MACROD2: variants seen among roughly 807,000 people sequenced by gnomAD.
MACROD2 encodes the protein mono-ADP ribosylhydrolase 2.
In MACROD2, 36 loss-of-function variants were observed where a neutral mutation model predicts 70.4. The ratio of observed to expected loss-of-function variants is 0.51; its 90% CI spans 0.39 to 0.68. The LOEUF (loss-of-function observed/expected upper bound fraction) is 0.68, where lower values mean the gene tolerates loss of function less well. MACROD2 is among the 30% of genes least tolerant of loss of function. The pLI is 0.00. For synonymous variants in MACROD2, 172 were observed against 178.8 expected (o/e 0.96, Z 0.30); for missense variants, 496 against 538.4 (o/e 0.92, Z 0.78).
At chr20:14,178,830 G>A (rs775993951) in intron 3 of MACROD2, among the ~76,000 whole-genome samples, 12 of 149,038 alleles carry the variant, frequency 8.1e-5, no homozygotes, top group East Asian at 2.0e-4. Flanking sequence ...GTAGTCTCAC[G>A]GCCTTTTCAG....
At chr20:15,319,985 G>T (rs2077856075) in intron 6 of MACROD2, among the ~76,000 whole-genome samples, 1 of 152,148 alleles carries the variant, frequency 6.6e-6, no homozygotes, top group South Asian at 2.1e-4. Flanking sequence ...GAGGTGGGCG[G>T]ATCACCTCAG....
intron 5 of MACROD2, among the ~76,000 whole-genome samples, chr20:14,880,256 C>A (rs983604891): frequency 5.9e-5 from 9 of 152,148 alleles, no homozygotes; most frequent in Middle Eastern, 3.2e-3. Context: ...TGCTTCACTG[C>A]CAACACAGCC....
chr20:15,763,434 T>G (rs768241259), intron 8 of MACROD2, among the ~76,000 whole-genome samples: 4 of 152,216 alleles, frequency 2.6e-5, no homozygotes, highest in Non-Finnish European at 5.9e-5. Context: ...AAGTGTGGTG[T>G]GCAAGTATAT....
In MACROD2 at chr20:14,788,609, G is replaced by A. The variant is rs1028025382; in HGVS notation, c.418+103650G>A. Among the ~76,000 whole-genome samples, 7 of 149,392 alleles carry A rather than the reference G, an allele frequency of 4.7e-5. No homozygotes were observed. In the East Asian group the frequency reaches 7.8e-4, roughly 17 times the overall value. ...AAAAAAAAAAAAAAAAAGACTTTTA[G>A]GAAAGAGAACATTCTGATTATTTAC... On this transcript the variant is annotated intron_variant, in intron 5 of 17. Coordinates refer to ENST00000684519, the MANE Select transcript of MACROD2 (RefSeq NM_001351661.2).
chr20:14,187,776 C>A (rs543366404), intron 3 of MACROD2, among the ~76,000 whole-genome samples: 29 of 152,226 alleles, frequency 1.9e-4, no homozygotes, highest in African/African-American at 7.0e-4. Context: ...CCTTATTTGC[C>A]TGTGCTCAGC....
At chr20:14,476,506 C>A (rs1463674647) in intron 3 of MACROD2, among the ~76,000 whole-genome samples, 1 of 152,186 alleles carries the variant, frequency 6.6e-6, no homozygotes, top group Non-Finnish European at 1.5e-5. Flanking sequence ...CAAGTATGCA[C>A]CACCACGCCC....
At chr20:14,543,505 C>T (rs1287999523) in intron 4 of MACROD2, among the ~76,000 whole-genome samples, 1 of 152,100 alleles carries the variant, frequency 6.6e-6, no homozygotes, top group East Asian at 1.9e-4. Context: ...TTTAATCATA[C>T]ATAGTTTTTA....
At chr20:15,506,723 A>G (rs1475590714) in intron 8 of MACROD2, among the ~76,000 whole-genome samples, 2 of 152,210 alleles carry the variant, frequency 1.3e-5, no homozygotes, top group Non-Finnish European at 2.9e-5. Context: ...ATATTTCGAA[A>G]CAAGCTCCAA....
chr20:14,329,008 G>A (rs2082786028), intron 3 of MACROD2: 1 of 152,008 alleles, frequency 6.6e-6, no homozygotes, highest in African/African-American at 2.4e-5. Context: ...CATGAAGAAA[G>A]TCATTCATGA....
intron 8 of MACROD2, among the ~76,000 whole-genome samples, chr20:15,655,369 T>C (rs2049714526): frequency 6.6e-6 from 1 of 150,692 alleles, no homozygotes; most frequent in Admixed American, 6.6e-5. Context: ...GATTTACCGA[T>C]AGAATATGTG....
Position 15,249,148 on chromosome 20 carries a change from C to T in MACROD2, c.540+19087C>T, listed in dbSNP as rs906647123. On this transcript the variant is annotated intron_variant, in intron 6 of 17. Coordinates refer to ENST00000684519, the MANE Select transcript of MACROD2 (RefSeq NM_001351661.2). ...GTATTTGTCTACCAACCCCTGTCGC[C>T]TCCTTGTTCGAGATCTCCCTCTTGC... 3.9e-5 allele frequency among the ~76,000 whole-genome samples: 6 copies of T among 152,314 alleles called. No homozygotes were observed. In the East Asian group the frequency reaches 9.7e-4, roughly 25 times the overall value.
chr20:16,015,412 G>A (rs1481686278), intron 15 of MACROD2, among the ~76,000 whole-genome samples: 1 of 152,074 alleles, frequency 6.6e-6, no homozygotes, highest in East Asian at 1.9e-4. Flanking sequence ...ATCTCACCTA[G>A]TCCTGATTCA....
chr20:15,892,824 G>T (rs911700955), intron 10 of MACROD2: 1 of 395,000 alleles, frequency 2.5e-6, no homozygotes, highest in Non-Finnish European at 4.5e-6. Context: ...AAGATTCAGC[G>T]TGTGTGTAGG....
In MACROD2 at chr20:16,012,101, C is replaced by T. The variant is rs912187; in HGVS notation, c.1153+24943C>T. On this transcript the variant is annotated intron_variant, in intron 15 of 17. Transcript: ENST00000684519. ...GGAGCCAGGCCTAATGATGCTGAGA[C>T]GCCAGCTTCTCTGAGCCTATTGGCA... Among the ~76,000 whole-genome samples the T allele has an allele frequency of 2.7e-3, 408 of 152,298 alleles. 7 individuals are homozygous for T. The highest frequency in any genetic ancestry group is 0.024 in the Admixed American group (364 of 15,304).
intron 6 of MACROD2, among the ~76,000 whole-genome samples, chr20:15,389,784 C>A (rs1307784743): frequency 6.6e-6 from 1 of 152,166 alleles, no homozygotes; most frequent in Admixed American, 6.6e-5. Flanking sequence ...CAAGATGAAG[C>A]AATACCGTTA....
intron 6 of MACROD2, among the ~76,000 whole-genome samples, chr20:15,383,446 A>G (rs111243450): frequency 6.6e-6 from 1 of 152,306 alleles, no homozygotes; most frequent in African/African-American, 2.4e-5. Context: ...TAAGAAGTAG[A>G]ATTTCAAACA....
At chr20:15,674,238 C>T (rs776793115) in intron 8 of MACROD2, among the ~76,000 whole-genome samples, 61 of 151,776 alleles carry the variant, frequency 4.0e-4, no homozygotes, top group Non-Finnish European at 7.8e-4. Flanking sequence ...TAAGGGAGAA[C>T]GGAAGGGGAA....
At chr20:15,650,081 C>T (rs1010103408) in intron 8 of MACROD2, among the ~76,000 whole-genome samples, 5 of 152,106 alleles carry the variant, frequency 3.3e-5, no homozygotes, top group African/African-American at 7.2e-5. Flanking sequence ...TCTCTGCTTA[C>T]TTGATGTGAC....
intron 8 of MACROD2, among the ~76,000 whole-genome samples, chr20:15,838,777 G>A (rs1023713704): frequency 6.6e-6 from 1 of 152,126 alleles, no homozygotes. Context: ...AAGACAGACT[G>A]AACCTTTTAA....
Sources: gnomAD v4.1 joint callset for allele counts (sites outside exome capture counted in the v4.1 genomes callset) on GRCh38, gnomAD v4.1.1 for gene constraint, MANE v1.5 for transcripts, NCBI Gene and HGNC (gene_info 2026-07-23, HGNC 2026-07-21) for gene names.